NKAIN2: variants seen among roughly 807,000 people sequenced by gnomAD.
NKAIN2 encodes the protein sodium/potassium transporting ATPase interacting 2.
NKAIN2 carries 14 observed loss-of-function variants against 32.6 expected under a neutral mutation model. That is an observed-to-expected ratio of 0.43 (90% CI 0.28 to 0.67). NKAIN2 has a LOEUF of 0.67. Among genes scored for constraint, NKAIN2 ranks in the 30% least tolerant of loss-of-function variants. The probability of loss-of-function intolerance (pLI) is 0.17; values close to 1 mark genes in which losing one functional copy is unlikely to be tolerated. For synonymous variants in NKAIN2, 80 were observed against 87.2 expected (o/e 0.92, Z 0.46); for missense variants, 198 against 258.3 (o/e 0.77, Z 1.60).
chr6:124,561,103 G>A (rs1317616406), intron 3 of NKAIN2, among the ~76,000 whole-genome samples: 2 of 152,080 alleles, frequency 1.3e-5, no homozygotes, highest in Admixed American at 1.3e-4. Flanking sequence ...TCAGGGCACA[G>A]AGCAACAGTG....
At chr6:123,938,871 T>A (rs1013466445) in intron 1 of NKAIN2, among the ~76,000 whole-genome samples, 4 of 151,868 alleles carry the variant, frequency 2.6e-5, no homozygotes, top group Admixed American at 6.6e-5. Flanking sequence ...TATGGTGGGT[T>A]AGTTCTTAAG....
chr6:124,205,920 C>A lies in NKAIN2; in HGVS notation c.55-77085C>A, dbSNP rs1395716442. 2.6e-5 allele frequency among the ~76,000 whole-genome samples: 4 copies of A among 151,756 alleles called. No homozygotes were observed. In the East Asian group the frequency reaches 5.8e-4, roughly 22 times the overall value. On this transcript the variant is annotated intron_variant, in intron 1 of 6. Coordinates refer to ENST00000368417, the MANE Select transcript of NKAIN2 (RefSeq NM_001040214.3). Reference sequence around the variant, plus strand: ...AGGTTTACTGTTATCCGTAATATACCTTAGTATGTATCTGTGGAAGCATTC... The same window carrying A: ...AGGTTTACTGTTATCCGTAATATACATTAGTATGTATCTGTGGAAGCATTC...
intron 1 of NKAIN2, among the ~76,000 whole-genome samples, chr6:124,013,305 T>C (rs1780418519): frequency 6.6e-6 from 1 of 152,216 alleles, no homozygotes; most frequent in South Asian, 2.1e-4. Flanking sequence ...AATCATTTAA[T>C]TTGATGAAGT....
chr6:124,023,063 T>TATGC (rs1780944073), intron 1 of NKAIN2, among the ~76,000 whole-genome samples: 1 of 151,058 alleles, frequency 6.6e-6, no homozygotes, highest in African/African-American at 2.4e-5. Context: ...TGTATGTATG[T>TATGC]ATAAGTATAT....
chr6:124,072,506 AAAAG>A (rs1366702017), intron 1 of NKAIN2, among the ~76,000 whole-genome samples: 1 of 152,156 alleles, frequency 6.6e-6, no homozygotes, highest in Non-Finnish European at 1.5e-5. Flanking sequence ...AAATAAAAAG[AAAAG>A]AAATTTCATT....
intron 1 of NKAIN2, among the ~76,000 whole-genome samples, chr6:124,043,523 T>C (rs1053985609): frequency 5.9e-5 from 9 of 152,024 alleles, no homozygotes; most frequent in Non-Finnish European, 1.0e-4. Context: ...AATCAAACTT[T>C]GCATATAAAC....
At chr6:124,345,974 G>A (rs1236910829) in intron 2 of NKAIN2, among the ~76,000 whole-genome samples, 1 of 151,862 alleles carries the variant, frequency 6.6e-6, no homozygotes, top group Non-Finnish European at 1.5e-5. Flanking sequence ...GGCATTTAGG[G>A]CTATAAATTT....
intron 4 of NKAIN2, among the ~76,000 whole-genome samples, chr6:124,663,321 C>T (rs2114446060): frequency 6.6e-6 from 1 of 152,062 alleles, no homozygotes; most frequent in South Asian, 2.1e-4. Context: ...ATCCCCGCTA[C>T]TCAGGAGGCT....
chr6:124,163,523 A>C (rs1788380610), intron 1 of NKAIN2, among the ~76,000 whole-genome samples: 1 of 60,006 alleles, frequency 1.7e-5, no homozygotes, highest in Non-Finnish European at 6.4e-5. Flanking sequence ...TCTAAACAGC[A>C]AAGTATCCCA....
At chr6:124,456,364 A>G (rs1776322548) in intron 3 of NKAIN2, among the ~76,000 whole-genome samples, 2 of 151,912 alleles carry the variant, frequency 1.3e-5, no homozygotes, top group Admixed American at 6.6e-5. Flanking sequence ...GTGTAAATAT[A>G]TAATATAGTC....
At chr6:123,958,886 T>C (rs1214490961) in intron 1 of NKAIN2, among the ~76,000 whole-genome samples, 1 of 152,182 alleles carries the variant, frequency 6.6e-6, no homozygotes, top group Admixed American at 6.6e-5. Flanking sequence ...AAGAAAATGT[T>C]ACTGTTACAA....
At chr6:124,654,776 G>A (rs951715379) in intron 3 of NKAIN2, among the ~76,000 whole-genome samples, 1 of 152,110 alleles carries the variant, frequency 6.6e-6, no homozygotes, top group African/African-American at 2.4e-5. Context: ...AGAGATTAGG[G>A]TGATGGTTCT....
intron 4 of NKAIN2, among the ~76,000 whole-genome samples, chr6:124,700,871 G>GACACACACACAC (rs143125409): frequency 1.5e-4 from 22 of 145,474 alleles, no homozygotes; most frequent in African/African-American, 5.1e-4. Context: ...TCTCTTTCCT[G>GACACACACACAC]ACACACACAC....
At chr6:124,233,287 AC>A (rs1377012789) in intron 1 of NKAIN2, among the ~76,000 whole-genome samples, 1 of 152,120 alleles carries the variant, frequency 6.6e-6, no homozygotes, top group Non-Finnish European at 1.5e-5. Context: ...TTCTTTACAA[AC>A]CATAATTATA....
intron 3 of NKAIN2, among the ~76,000 whole-genome samples, chr6:124,370,290 C>T (rs13214624): frequency 0.047 from 7,103 of 151,758 alleles, 249 homozygotes; most frequent in Non-Finnish European, 0.063. Flanking sequence ...CAGCGTAGCA[C>T]TTAGAGTGTC....
chr6:124,476,063 AGAGT>A (rs755878299), intron 3 of NKAIN2, among the ~76,000 whole-genome samples: 5,461 of 114,924 alleles, frequency 0.048, 98 homozygotes, highest in African/African-American at 0.073. Flanking sequence ...AGAGAGAGAG[AGAGT>A]GTGTGTGTGT....
At chr6:124,091,913 A>C (rs1784441976) in intron 1 of NKAIN2, among the ~76,000 whole-genome samples, 1 of 152,036 alleles carries the variant, frequency 6.6e-6, no homozygotes, top group Non-Finnish European at 1.5e-5. Flanking sequence ...TTTCGGCTTC[A>C]GTCAACAATC....
intron 1 of NKAIN2, among the ~76,000 whole-genome samples, chr6:123,978,736 A>G (rs1047197067): frequency 1.3e-5 from 2 of 152,174 alleles, no homozygotes; most frequent in Admixed American, 6.5e-5. Flanking sequence ...ACACTCACAT[A>G]TATCTTGTTA....
At chr6:124,794,193 C>T (rs2114814324) in intron 5 of NKAIN2, among the ~76,000 whole-genome samples, 1 of 152,230 alleles carries the variant, frequency 6.6e-6, no homozygotes, top group South Asian at 2.1e-4. Flanking sequence ...GTTAAAGCAT[C>T]AATTTATAGA....
Sources: allele counts gnomAD v4.1 joint callset (sites outside exome capture counted in the v4.1 genomes callset), GRCh38; gene constraint gnomAD v4.1.1; transcripts MANE v1.5; gene names NCBI Gene and HGNC (gene_info 2026-07-23, HGNC 2026-07-21).